The following DBN1 variants were observed in gnomAD, a reference collection of about 807,000 sequenced individuals.
DBN1 encodes drebrin.
Under a neutral mutation model 83.5 loss-of-function variants are expected in DBN1, and 21 were observed. The ratio of observed to expected loss-of-function variants is 0.25; its 90% CI spans 0.18 to 0.36. The LOEUF (loss-of-function observed/expected upper bound fraction) is 0.36, where lower values mean the gene tolerates loss of function less well. Among genes scored for constraint, DBN1 ranks in the 10% least tolerant of loss-of-function variants. The probability of loss-of-function intolerance (pLI) is 1.00; values close to 1 mark genes in which losing one functional copy is unlikely to be tolerated. For missense variants in DBN1, 874 were observed against 935.7 expected, an observed-to-expected ratio of 0.93 and a Z score of 0.86; for synonymous variants, 381 against 384.9, an observed-to-expected ratio of 0.99 and a Z score of 0.12.
chr5:177,468,270 C>CA (rs770889716), intron 2 of DBN1, 50 bp from the exon 3 acceptor site: 3 of 1,525,622 alleles, frequency 2.0e-6, no homozygotes, highest in Admixed American at 1.7e-5. Context: ...AAACCCTTCC[C>CA]AAAAAGAGCC....
At chr5:177,459,316 G>A (rs1253669434) in intron 11 of DBN1, 48 bp from the exon 12 acceptor site, 5 of 1,583,220 alleles carry the variant, frequency 3.2e-6, no homozygotes, top group Non-Finnish European at 3.4e-6. Flanking sequence ...GGAGCCGGGT[G>A]AGACAGGATT....
intron 8 of DBN1, among the ~76,000 whole-genome samples, chr5:177,461,189 C>T (rs1380916453): frequency 3.4e-5 from 5 of 148,538 alleles, no homozygotes. Flanking sequence ...AGCTCCGCCT[C>T]CCGGGTTCAC....
chr5:177,469,027 G>A, intron 1 of DBN1, 128 bp from the exon 2 acceptor site: 1 of 516,200 alleles, frequency 1.9e-6, no homozygotes, highest in Non-Finnish European at 3.3e-6. Flanking sequence ...TCCTGCTGTA[G>A]CCATGACAAC....
chr5:177,460,464 C>A lies in DBN1; in HGVS notation c.923G>T (p.Cys308Phe). 6.2e-7 allele frequency: 1 copy of A among 1,614,118 alleles called. No individual in the cohort carries two copies. The highest frequency in any genetic ancestry group is 1.1e-5 in the South Asian group (1 of 91,086). ...ERVASASAGSCDVPSPFNHRP... is the reference protein window; with the variant it reads ...ERVASASAGSFDVPSPFNHRP... ...ATGGTTGAAGGGCGAGGGTACATCACAGCTGCCCGCAGAGGCCGATGCGAC... is the reference window on the plus strand; with the variant it reads ...ATGGTTGAAGGGCGAGGGTACATCAAAGCTGCCCGCAGAGGCCGATGCGAC... The change falls in exon 10 of 15, where the codon TGT becomes TTT. Residue 308 changes from cysteine (C) to phenylalanine (F), a missense_variant. Cys to Phe is a radical substitution (Grantham distance 205). Transcript: ENST00000393565.
intron 9 of DBN1, 43 bp from the exon 10 acceptor site, chr5:177,460,598 GA>G: frequency 6.2e-7 from 1 of 1,614,080 alleles, no homozygotes; most frequent in Non-Finnish European, 8.5e-7. Context: ...CAGGCAAGCT[GA>G]GATAGCCCTG....
chr5:177,469,294 C>T (rs775278215), intron 1 of DBN1, among the ~76,000 whole-genome samples: 1 of 151,974 alleles, frequency 6.6e-6, no homozygotes, highest in African/African-American at 2.4e-5. Flanking sequence ...TTACCTGGCA[C>T]GTGCCTTGGT....
rs934772071 is a variant in DBN1 at position 177,460,697 on chromosome 5, G to C, written c.778C>G (p.His260Asp). Residue 260 changes from histidine (H) to aspartate (D), a missense_variant, in exon 9 of 15, where the codon CAT becomes GAT. Physicochemically the swap from His to Asp is moderately conservative, Grantham distance 81 (BLOSUM62 -1). Coordinates refer to ENST00000393565, the MANE Select transcript of DBN1 (RefSeq NM_001363541.2). ...TGGGTCTCTTCCTCCTCATCCCGAT[G>C]GTCACCCTAGAAACCAAAGGGACAG... is the stretch of plus-strand genomic sequence containing the variant. ...RLKEQSIFGD[H>D]RDEEEETHMK... 1.9e-6 allele frequency: 3 copies of C among 1,613,788 alleles called. No homozygotes were observed. Among genetic ancestry groups the C allele is most frequent in the Middle Eastern group, 1.7e-4 (1 of 6,060 alleles).
chr5:177,468,802 AG>A (rs1289338689), intron 2 of DBN1, 41 bp downstream of exon 2: 2 of 1,285,798 alleles, frequency 1.6e-6, no homozygotes, highest in Non-Finnish European at 2.0e-6. Flanking sequence ...AACCAGGAGG[AG>A]GGGGTGGAGA....
At position 177,466,025 on chromosome 5, in the gene DBN1, C is replaced by T. The variant is rs550633179; in HGVS notation, c.771+747G>A. Among the ~76,000 whole-genome samples, 7 of 152,246 alleles carry T rather than the reference C, an allele frequency of 4.6e-5. No homozygotes were observed. The South Asian group carries it at 1.5e-3, about 32-fold the overall frequency. ...CCACCCCATCCAAGGGCAGATGTGA[C>T]TGGAGTGACTTAATGCTGCTGCCTG... On this transcript the variant is annotated intron_variant, in intron 8 of 14. Transcript: ENST00000393565. The surrounding 1 kb of genome is among the most constrained non-coding windows in gnomAD (Gnocchi z 4.8).
chr5:177,458,363 C>T lies in DBN1; in HGVS notation c.1609G>A (p.Gly537Ser), dbSNP rs769132847. 25 of 1,613,704 alleles carry T rather than the reference C, an allele frequency of 1.5e-5. No homozygotes were observed. The highest frequency in any genetic ancestry group is 2.0e-5 in the Non-Finnish European group (24 of 1,179,850). Residue 537 changes from glycine to serine, a missense_variant, in exon 13 of 15, where the codon GGT becomes AGT. Gly to Ser is a moderately conservative substitution (Grantham distance 56, BLOSUM62 0). Coordinates refer to ENST00000393565, the MANE Select transcript of DBN1 (RefSeq NM_001363541.2). The part of the protein sequence containing the change: ...GNGEGASTLQ[G>S]EPRAPTPPSG... ...GGTGGCGTGGGGGCCCTGGGCTCAC[C>T]CTGGAGTGTGGAGGCCCCTTCCCCG...
At position 177,458,079 on chromosome 5, in the gene DBN1, G is replaced by A; in HGVS notation, c.1893C>T (p.Thr631=). The A allele has an allele frequency of 6.2e-7, 1 of 1,613,824 alleles. No homozygotes were observed. Among genetic ancestry groups the A allele is most frequent in the Non-Finnish European group, 8.5e-7 (1 of 1,180,006 alleles). ...GCACCTGGGTCCCCTCCTTCTGGGT[G>A]GTCTCGCCATTGGTTAGCAGGTGGG... is the stretch of plus-strand genomic sequence containing the variant. ...PEPHLLTNGE[T]TQKEGTQASE... is the part of the protein sequence containing the mutation. The change falls in exon 13 of 15, where the codon ACC becomes ACT. Residue 631 remains threonine, a synonymous_variant. Transcript: ENST00000393565.
rs556546602 is a variant in DBN1 at position 177,471,626 on chromosome 5, G to A, written c.86+1810C>T. ...ATTCATATTCTCTTGTGTAGAAAGT[G>A]ATCCTCACACCCCTTTTTCAAAATG... On this transcript the variant is annotated intron_variant, in intron 1 of 14. Coordinates refer to ENST00000393565, the MANE Select transcript of DBN1 (RefSeq NM_001363541.2). 3.9e-5 allele frequency among the ~76,000 whole-genome samples: 6 copies of A among 152,306 alleles called. No individual in the cohort carries two copies. The South Asian group carries it at 1.2e-3, about 32-fold the overall frequency.
chr5:177,464,853 T>C (rs1757314155), intron 8 of DBN1, among the ~76,000 whole-genome samples: 2 of 146,744 alleles, frequency 1.4e-5, no homozygotes, highest in South Asian at 4.3e-4. Context: ...GGCAGGAAAA[T>C]CACTTAAACC....
Position 177,467,966 on chromosome 5 carries a change from C to T in DBN1, c.255+142G>A. 1 of 1,316,078 alleles carries T rather than the reference C, an allele frequency of 7.6e-7. No individual in the cohort carries two copies. Among genetic ancestry groups the T allele is most frequent in the Middle Eastern group, 2.5e-4 (1 of 3,968 alleles). 81.5% of individuals were successfully genotyped at this position (1,316,078 alleles called of 1,614,324 possible). ...GGGGAGGGCGACTGCTCTGGGCCTT[C>T]AGTTCCCTTCCCCAGCCCCGGCCGC... On this transcript the variant is annotated intron_variant, in intron 3 of 14. Transcript: ENST00000393565. This position sits in a 1 kb window ranked among gnomAD's most constrained non-coding sequence, Gnocchi z 9.1.
chr5:177,471,353 C>T (rs1757829737), intron 1 of DBN1, among the ~76,000 whole-genome samples: 4 of 152,124 alleles, frequency 2.6e-5, no homozygotes. Context: ...ACAACAGTGG[C>T]CCTTCCCACC....
intron 11 of DBN1, 99 bp from the exon 12 acceptor site, chr5:177,459,367 TGGGTGGG>T: frequency 6.6e-7 from 1 of 1,510,802 alleles, no homozygotes; most frequent in Non-Finnish European, 8.8e-7. Flanking sequence ...CTCTGGAATC[TGGGTGGG>T]GGCTGGGAGC....
rs761197837 is a variant in DBN1 at position 177,458,297 on chromosome 5, C to G, written c.1675G>C (p.Asp559His). The G allele has an allele frequency of 1.2e-6, 2 of 1,613,480 alleles. No homozygotes were observed. The highest frequency in any genetic ancestry group is 2.2e-5 in the South Asian group (2 of 91,074). The change falls in exon 13 of 15, where the codon GAT becomes CAT. Residue 559 changes from aspartate to histidine, a missense_variant. Physicochemically the swap from Asp to His is moderately conservative, Grantham distance 81. Transcript: ENST00000393565. ...EVTLAEVPLL[D>H]EVAPEPLLPA... ...AGCAGTGGCTCCGGAGCCACCTCAT[C>G]CAGCAGGGGCACCTCTGCCAGGGTG... is the stretch of plus-strand genomic sequence containing the variant.
chr5:177,473,421 G>A lies in DBN1; in HGVS notation c.86+15C>T. 3 of 1,369,084 alleles carry A rather than the reference G, an allele frequency of 2.2e-6. No homozygotes were observed. Among genetic ancestry groups the A allele is most frequent in the African/African-American group, 1.5e-5 (1 of 66,614 alleles). The allele number at this position is 1,369,084 out of a possible 1,614,324, so 84.8% of individuals were successfully genotyped here. A position where few individuals can be genotyped will look rare whatever the true frequency, so the allele number is the denominator to read the frequency against. On this transcript the variant is annotated intron_variant, in intron 1 of 14. Transcript: ENST00000393565. ...GCGGGGACAAAGGGGCCGGGGGCGG[G>A]GGCGGGGGGCTCACCAGTCGGCCGC...
intron 10 of DBN1, 88 bp downstream of exon 10, chr5:177,460,344 C>G (rs1050829465): frequency 1.9e-6 from 3 of 1,590,312 alleles, no homozygotes; most frequent in Non-Finnish European, 2.6e-6. Context: ...GTTGCTTGGG[C>G]AAGGCCTCCC....
Sources: gnomAD v4.1 joint callset for allele counts (sites outside exome capture counted in the v4.1 genomes callset) on GRCh38, gnomAD v4.1.1 for gene constraint, Gnocchi (gnomAD v3.1) non-coding constraint, MANE v1.5 for transcripts, NCBI Gene and HGNC (gene_info 2026-07-23, HGNC 2026-07-21) for gene names.